Variants in WDR1 observed in about 807,000 individuals in gnomAD.
The protein encoded by WDR1 is WD repeat domain 1.
A neutral mutation model predicts 71.9 loss-of-function variants in WDR1; 21 were observed. The ratio of observed to expected loss-of-function variants is 0.29; its 90% CI spans 0.21 to 0.42. The LOEUF is 0.42. Among genes scored for constraint, WDR1 ranks in the 10% least tolerant of loss-of-function variants. WDR1 has a pLI of 1.00. For missense variants in WDR1, 696 were observed against 824.5 expected (o/e 0.84, Z 1.91); for synonymous variants, 424 against 347.4 (o/e 1.22, Z -2.45).
intron 2 of WDR1, among the ~76,000 whole-genome samples, chr4:10,114,815 C>A (rs192485533): frequency 6.6e-6 from 1 of 152,198 alleles, no homozygotes; most frequent in African/African-American, 2.4e-5. Context: ...CACATTCACA[C>A]CCGCCCACCC....
At chr4:10,099,271 G>C in intron 3 of WDR1, 132 bp from the exon 4 acceptor site, 1 of 721,706 alleles carries the variant, frequency 1.4e-6, no homozygotes, top group African/African-American at 1.8e-5. Context: ...GGTTGCTTAG[G>C]CTTTCTAGAG....
chr4:10,077,510 C>T, intron 13 of WDR1, 62 bp from the exon 14 acceptor site: 1 of 1,608,204 alleles, frequency 6.2e-7, no homozygotes, highest in Non-Finnish European at 8.5e-7. Context: ...TTGCCCATAT[C>T]ACCTCGCTTA....
intron 2 of WDR1, among the ~76,000 whole-genome samples, chr4:10,107,231 G>T (rs1259911621): frequency 1.3e-5 from 2 of 152,142 alleles, no homozygotes; most frequent in African/African-American, 4.8e-5. Context: ...GCTGCTGCAG[G>T]CTGGGCCAGC....
rs529967211 is a variant in WDR1, at chr4:10,075,824, G to C, written c.1715-340C>G. On this transcript the variant is annotated intron_variant, in intron 14 of 14. Transcript: ENST00000499869. ...ACAATGTCTTCTTATGTATAAAAGC[G>C]ATGACATGCAGACACCACACAAACA... The C allele has an allele frequency of 5.3e-5, 20 of 379,850 alleles. No individual in the cohort carries two copies. The East Asian group carries it at 9.5e-4, about 18-fold the overall frequency. The allele number at this position is 379,850 out of a possible 1,614,324, so 23.5% of individuals were successfully genotyped here. A position where few individuals can be genotyped will look rare whatever the true frequency, so the allele number is the denominator to read the frequency against.
intron 5 of WDR1, among the ~76,000 whole-genome samples, chr4:10,089,717 T>C (rs542487154): frequency 3.9e-5 from 6 of 152,192 alleles, no homozygotes; most frequent in Non-Finnish European, 1.5e-5. Context: ...GTACGAACAC[T>C]AACCTTCAGG....
chr4:10,080,851 C>T lies in WDR1; in HGVS notation c.1284+506G>A, dbSNP rs182345451. On this transcript the variant is annotated intron_variant, in intron 11 of 14. Transcript: ENST00000499869. ...AGTACCAAGCTGCTCTAGGCCTCAG[C>T]CTCCTCATCTGTAAGAGGAACCAAG... Among the ~76,000 whole-genome samples the T allele has an allele frequency of 2.0e-5, 3 of 152,354 alleles. No individual in the cohort carries two copies. The East Asian group carries it at 5.8e-4, about 29-fold the overall frequency.
chr4:10,115,914 C>T (rs1208703010), intron 2 of WDR1, 199 bp downstream of exon 2: 4 of 651,720 alleles, frequency 6.1e-6, no homozygotes, highest in Non-Finnish European at 1.0e-5. Context: ...GTTTCCTCAT[C>T]AAGAAGGAGC....
At chr4:10,087,979 TAC>T in intron 7 of WDR1, 39 bp from the exon 8 acceptor site, 1 of 1,517,448 alleles carries the variant, frequency 6.6e-7, no homozygotes, top group Non-Finnish European at 8.9e-7. Flanking sequence ...GCCAGAGGAC[TAC>T]AGACTGGAGA....
At chr4:10,116,451 C>A in intron 1 of WDR1, 200 bp downstream of exon 1, 2 of 772,246 alleles carry the variant, frequency 2.6e-6, no homozygotes, top group Non-Finnish European at 3.6e-6. Context: ...GCTCGGCCCA[C>A]GGCGCCAACT....
chr4:10,078,768 C>T (rs1157100304), intron 12 of WDR1, 123 bp downstream of exon 12: 4 of 793,296 alleles, frequency 5.0e-6, no homozygotes, highest in Non-Finnish European at 8.0e-6. Context: ...CCCCGACTGC[C>T]CCCATCCTTC....
chr4:10,085,835 G>A (rs113727592), intron 8 of WDR1, among the ~76,000 whole-genome samples: 1 of 152,216 alleles, frequency 6.6e-6, no homozygotes, highest in South Asian at 2.1e-4. Flanking sequence ...GATCAGCACC[G>A]AACATCAGCA....
Position 10,116,645 on chromosome 4 carries a change from A to C in WDR1, c.16+6T>G. 1.5e-6 allele frequency: 2 copies of C among 1,307,248 alleles called. No individual in the cohort carries two copies. The highest frequency in any genetic ancestry group is 2.0e-6 in the Non-Finnish European group (2 of 1,021,232). The allele number at this position is 1,307,248 out of a possible 1,614,324, so 81.0% of individuals were successfully genotyped here. A position where few individuals can be genotyped will look rare whatever the true frequency, so the allele number is the denominator to read the frequency against. On this transcript the variant is annotated splice_donor_region_variant and intron_variant, in intron 1 of 14. Coordinates refer to ENST00000499869, the MANE Select transcript of WDR1 (RefSeq NM_017491.5). Reference sequence around the variant, plus strand: ...CCGCTCGGGGGCCCCGCGCCGCGGCACTTACTGATCTCGTACGGCATCCTC... The same window carrying C: ...CCGCTCGGGGGCCCCGCGCCGCGGCCCTTACTGATCTCGTACGGCATCCTC...
chr4:10,097,416 C>T (rs565950505), intron 5 of WDR1, among the ~76,000 whole-genome samples: 1 of 152,378 alleles, frequency 6.6e-6, no homozygotes, highest in South Asian at 2.1e-4. Context: ...GCCCCAGATG[C>T]TTGCCTGGTT....
At chr4:10,076,153 T>G (rs774811066) in intron 14 of WDR1, 6 of 152,672 alleles carry the variant, frequency 3.9e-5, no homozygotes, top group Admixed American at 6.5e-5. Context: ...CCCCAGCCTC[T>G]AGATCTGCAG....
chr4:10,108,631 T>C (rs1473670311), intron 2 of WDR1, among the ~76,000 whole-genome samples: 1 of 152,196 alleles, frequency 6.6e-6, no homozygotes, highest in Non-Finnish European at 1.5e-5. Flanking sequence ...AACTGACCTG[T>C]GCAAATATAA....
chr4:10,082,943 C>T (rs768127946), intron 10 of WDR1, 79 bp downstream of exon 10: 1 of 1,511,802 alleles, frequency 6.6e-7, no homozygotes, highest in African/African-American at 1.4e-5. Flanking sequence ...TCCTCCAGAA[C>T]AGTAACTGCT....
intron 10 of WDR1, 51 bp downstream of exon 10, chr4:10,082,971 C>A (rs964748927): frequency 1.3e-6 from 2 of 1,567,246 alleles, no homozygotes. Context: ...ACAAGCCCTC[C>A]GAGGGGAGCT....
chr4:10,107,015 T>A (rs779559487), intron 2 of WDR1, among the ~76,000 whole-genome samples: 2 of 151,990 alleles, frequency 1.3e-5, no homozygotes, highest in Admixed American at 6.6e-5. Context: ...AAGAATGAGA[T>A]TGGGGGTTGA....
chr4:10,111,342 G>A (rs1713349790), intron 2 of WDR1, among the ~76,000 whole-genome samples: 1 of 152,144 alleles, frequency 6.6e-6, no homozygotes, highest in South Asian at 2.1e-4. Flanking sequence ...ATCTGCAGAA[G>A]CCCAGCGTCC....
Sources: gnomAD v4.1 joint callset for allele counts (sites outside exome capture counted in the v4.1 genomes callset) on GRCh38, gnomAD v4.1.1 for gene constraint, MANE v1.5 for transcripts, NCBI Gene and HGNC (gene_info 2026-07-23, HGNC 2026-07-21) for gene names.